KIF13A: variants seen among roughly 807,000 people sequenced by gnomAD.
KIF13A encodes kinesin family member 13A, also known as kinesin-like protein KIF13A.
Under a neutral mutation model 212.2 loss-of-function variants are expected in KIF13A, and 79 were observed. The observed-to-expected ratio is 0.37, with a 90% CI of 0.31 to 0.45. The LOEUF (loss-of-function observed/expected upper bound fraction) is 0.45, where lower values mean the gene tolerates loss of function less well. KIF13A is among the 20% of genes least tolerant of loss of function. KIF13A has a pLI of 1.00. For synonymous variants in KIF13A, 789 were observed against 808.6 expected, an observed-to-expected ratio of 0.98 and a Z score of 0.41; for missense variants, 1,901 against 2,209.0, an observed-to-expected ratio of 0.86 and a Z score of 2.79.
At chr6:17,823,526 C>T (rs925016794) in intron 16 of KIF13A, among the ~76,000 whole-genome samples, 4 of 148,998 alleles carry the variant, frequency 2.7e-5, no homozygotes, top group Non-Finnish European at 4.4e-5. Context: ...GGAGTGTAGT[C>T]GTGTGATCTT....
intron 17 of KIF13A, chr6:17,812,552 G>A (rs977813154): frequency 2.0e-5 from 3 of 152,144 alleles, no homozygotes; most frequent in Non-Finnish European, 2.9e-5. Flanking sequence ...TGGTGTACAT[G>A]TACCACGTTT....
chr6:17,869,090 C>G (rs545330290), intron 4 of KIF13A, among the ~76,000 whole-genome samples: 6 of 150,126 alleles, frequency 4.0e-5, no homozygotes, highest in Admixed American at 1.3e-4. Flanking sequence ...AACAAATAAG[C>G]CTTTAATTTG....
At chr6:17,798,522 A>C (rs1195888754) in intron 22 of KIF13A, among the ~76,000 whole-genome samples, 1 of 152,232 alleles carries the variant, frequency 6.6e-6, no homozygotes, top group Non-Finnish European at 1.5e-5. Flanking sequence ...GAAATTTTAT[A>C]GGTGGTGATA....
intron 16 of KIF13A, among the ~76,000 whole-genome samples, chr6:17,820,300 C>A (rs1464586655): frequency 6.6e-6 from 1 of 152,190 alleles, no homozygotes; most frequent in Non-Finnish European, 1.5e-5. Context: ...TCTTGTAAGC[C>A]CCATTCCCGA....
At chr6:17,966,585 A>G (rs951279719) in intron 2 of KIF13A, among the ~76,000 whole-genome samples, 3 of 151,882 alleles carry the variant, frequency 2.0e-5, no homozygotes, top group African/African-American at 4.8e-5. Context: ...GAATAAATAT[A>G]GAGTGTCTCC....
At position 17,779,624 on chromosome 6, in the gene KIF13A, C is replaced by A. The variant is rs759678854; in HGVS notation, c.3907G>T (p.Val1303Leu). The A allele has an allele frequency of 6.6e-7, 1 of 1,516,712 alleles. No individual in the cohort carries two copies. The highest frequency in any genetic ancestry group is 9.1e-7 in the Non-Finnish European group (1 of 1,101,130). 94.0% of individuals were successfully genotyped at this position (1,516,712 alleles called of 1,614,324 possible). A position where few individuals can be genotyped will look rare whatever the true frequency, so the allele number is the denominator to read the frequency against. ...SLKNIFYSCG[V>L]TYEIVSNIPK... ...ATATTGGATACTATTTCATAGGTTACACCACAGGAATAAAATATATTTTTC... is the reference window on the plus strand; with the variant it reads ...ATATTGGATACTATTTCATAGGTTAAACCACAGGAATAAAATATATTTTTC... Residue 1303 changes from valine to leucine, a missense_variant, in exon 32 of 39, where the codon GTA (valine) becomes TTA (leucine). Physicochemically the swap from Val to Leu is conservative, Grantham distance 32 (BLOSUM62 1). Around this residue, in one of 5 missense-constraint regions of KIF13A, gnomAD observed 687 missense variants for 759.1 expected, o/e 0.90. Transcript: ENST00000259711.
chr6:17,909,618 G>C (rs116599927), intron 2 of KIF13A, among the ~76,000 whole-genome samples: 1,722 of 152,162 alleles, frequency 0.011, 39 homozygotes, highest in African/African-American at 0.039. Flanking sequence ...TGGGGGACCA[G>C]GTATGGTGGC....
At position 17,898,198 on chromosome 6, in the gene KIF13A, A is replaced by G. The variant is rs1772737263; in HGVS notation, c.147-18T>C. 1.2e-6 allele frequency: 2 copies of G among 1,612,844 alleles called. No individual in the cohort carries two copies. Among genetic ancestry groups the G allele is most frequent in the African/African-American group, 1.3e-5 (1 of 74,922 alleles). ...GAGGTTTCCTTAATGATGGGAAAAA[A>G]AAAATTCAGCAGCAGGGATACAGAG... On this transcript the variant is annotated intron_variant, in intron 2 of 38. Transcript: ENST00000259711. The surrounding 1 kb of genome is among the most constrained non-coding windows in gnomAD (Gnocchi z 5.2).
At chr6:17,973,924 T>C (rs1285110259) in intron 2 of KIF13A, among the ~76,000 whole-genome samples, 3 of 152,238 alleles carry the variant, frequency 2.0e-5, no homozygotes, top group African/African-American at 7.2e-5. Flanking sequence ...CTGTGCCTTC[T>C]AACAAGTTGG....
chr6:17,905,259 T>A (rs1415523314), intron 2 of KIF13A, among the ~76,000 whole-genome samples: 1 of 152,256 alleles, frequency 6.6e-6, no homozygotes, highest in Non-Finnish European at 1.5e-5. Flanking sequence ...GTTCTAAGTA[T>A]TCTCCTAATC....
chr6:17,842,778 A>G (rs1331550024), intron 9 of KIF13A, among the ~76,000 whole-genome samples: 1 of 152,130 alleles, frequency 6.6e-6, no homozygotes, highest in Non-Finnish European at 1.5e-5. Flanking sequence ...AAAGTAAAAG[A>G]AAGTTGGGAG....
intron 4 of KIF13A, among the ~76,000 whole-genome samples, chr6:17,861,900 T>C (rs535161920): frequency 6.6e-6 from 1 of 152,354 alleles, no homozygotes; most frequent in Non-Finnish European, 1.5e-5. Context: ...TTCAAATCTT[T>C]TCTCTTTTCC....
At position 17,971,716 on chromosome 6, in the gene KIF13A, C is replaced by T. The variant is rs752828288; in HGVS notation, c.146+15338G>A. 2.2e-4 allele frequency among the ~76,000 whole-genome samples: 34 copies of T among 152,222 alleles called. No individual in the cohort carries two copies. Among genetic ancestry groups the T allele is most frequent in the Non-Finnish European group, 3.7e-4 (25 of 68,014 alleles). On this transcript the variant is annotated intron_variant, in intron 2 of 38. Transcript: ENST00000259711. The surrounding 1 kb of genome is among the most constrained non-coding windows in gnomAD (Gnocchi z 4.2). ...TTGGGATTACAGGAGTGAGTCACCA[C>T]GTCCGGCTTGCTCTTGTTTTAGTGT... is the stretch of plus-strand genomic sequence containing the variant.
At chr6:17,774,597 A>G (rs1358810178) in intron 35 of KIF13A, among the ~76,000 whole-genome samples, 1 of 152,282 alleles carries the variant, frequency 6.6e-6, no homozygotes, top group East Asian at 1.9e-4. Context: ...AACATGGCGA[A>G]ACTCCATCTC....
chr6:17,901,211 C>T (rs1399539772), intron 2 of KIF13A, among the ~76,000 whole-genome samples: 3 of 151,990 alleles, frequency 2.0e-5, no homozygotes, highest in South Asian at 2.1e-4. Context: ...AAGGTTACTG[C>T]CCCAAACTCT....
chr6:17,764,607 C>G lies in KIF13A; in HGVS notation c.4921G>C (p.Val1641Leu). Residue 1641 changes from valine (V) to leucine (L), a missense_variant, in exon 39 of 39, where the codon GTG becomes CTG. Val to Leu is a conservative substitution (Grantham distance 32). Transcript: ENST00000259711. This position sits in a 1 kb window ranked among gnomAD's most constrained non-coding sequence, Gnocchi z 5.1. The part of the protein sequence containing the change: ...DSTEHSTPSL[V>L]HDFRPSSNKE... ...TTTGAGGACGGCCTGAAATCATGCA[C>G]AAGCGATGGTGTGGAGTGCTCGGTG... The G allele has an allele frequency of 6.2e-7, 1 of 1,613,982 alleles. No individual in the cohort carries two copies. Among genetic ancestry groups the G allele is most frequent in the Non-Finnish European group, 8.5e-7 (1 of 1,179,896 alleles).
chr6:17,889,766 G>T (rs1446846947), intron 3 of KIF13A, among the ~76,000 whole-genome samples: 1 of 152,170 alleles, frequency 6.6e-6, no homozygotes, highest in Non-Finnish European at 1.5e-5. Flanking sequence ...AGGAGGCCTA[G>T]ACTGGAGCCA....
rs1255221525 is a variant in KIF13A at position 17,951,331 on chromosome 6, A to G, written c.146+35723T>C. 4.8e-6 allele frequency: 3 copies of G among 631,262 alleles called. No homozygotes were observed. The highest frequency in any genetic ancestry group is 8.5e-6 in the Non-Finnish European group (3 of 351,258). 39.1% of individuals were successfully genotyped at this position (631,262 alleles called of 1,614,324 possible). A position where few individuals can be genotyped will look rare whatever the true frequency, so the allele number is the denominator to read the frequency against. Reference sequence around the variant, plus strand: ...TTTTTTGTAGAGATGGGGTTTTGCCATGTTGCAAAGGCTGGTCTTGAAATC... The same window carrying G: ...TTTTTTGTAGAGATGGGGTTTTGCCGTGTTGCAAAGGCTGGTCTTGAAATC... On this transcript the variant is annotated intron_variant, in intron 2 of 38. Transcript: ENST00000259711. The surrounding 1 kb of genome is among the most constrained non-coding windows in gnomAD (Gnocchi z 4.9).
In KIF13A at chr6:17,772,809, T is replaced by C. The variant is rs939751118; in HGVS notation, c.4324+669A>G. Among the ~76,000 whole-genome samples the C allele has an allele frequency of 1.3e-5, 2 of 152,236 alleles. No homozygotes were observed. The highest frequency in any genetic ancestry group is 4.8e-5 in the African/African-American group (2 of 41,460). ...TGTAAATTTTCTTGCGAGCCTCTTTTTTTCCCCCTCAGGCCACCCTGCTAT... is the reference window on the plus strand; with the variant it reads ...TGTAAATTTTCTTGCGAGCCTCTTTCTTTCCCCCTCAGGCCACCCTGCTAT... On this transcript the variant is annotated intron_variant, in intron 36 of 38. Coordinates refer to ENST00000259711, the MANE Select transcript of KIF13A (RefSeq NM_022113.6). The surrounding 1 kb of genome is among the most constrained non-coding windows in gnomAD (Gnocchi z 4.8).
Sources: gnomAD v4.1 joint callset for allele counts (sites outside exome capture counted in the v4.1 genomes callset) on GRCh38, gnomAD v4.1.1 for gene constraint, gnomAD v4.1.1 regional missense constraint, Gnocchi (gnomAD v3.1) non-coding constraint, MANE v1.5 for transcripts, NCBI Gene and HGNC (gene_info 2026-07-23, HGNC 2026-07-21) for gene names.